Variants in CADM2 observed in about 807,000 individuals in gnomAD.
The protein encoded by CADM2 is immunoglobulin superfamily member 4D.
CADM2 carries 12 observed loss-of-function variants against 49.8 expected under a neutral mutation model. The observed-to-expected ratio is 0.24, with a 90% CI of 0.15 to 0.39. CADM2 has a LOEUF of 0.39. CADM2 is among the 10% of genes least tolerant of loss of function. CADM2 has a pLI of 1.00. For synonymous variants in CADM2, 214 were observed against 175.4 expected, an observed-to-expected ratio of 1.22 and a Z score of -1.74; for missense variants, 378 against 492.3, an observed-to-expected ratio of 0.77 and a Z score of 2.20.
intron 1 of CADM2, among the ~76,000 whole-genome samples, chr3:85,413,641 T>G (rs1048535848): frequency 2.0e-5 from 3 of 152,124 alleles, no homozygotes; most frequent in African/African-American, 7.2e-5. Flanking sequence ...AGCCACATAC[T>G]TTTAAACAGT....
chr3:85,198,875 A>G (rs2041413456), intron 1 of CADM2, among the ~76,000 whole-genome samples: 1 of 151,880 alleles, frequency 6.6e-6, no homozygotes, highest in African/African-American at 2.4e-5. Flanking sequence ...AAATAATTAT[A>G]GTAAGTTCTC....
chr3:85,987,249 G>T (rs577688070), intron 8 of CADM2, among the ~76,000 whole-genome samples: 7 of 151,922 alleles, frequency 4.6e-5, no homozygotes, highest in Non-Finnish European at 1.0e-4. Flanking sequence ...TTTTCTAAGG[G>T]CACTCTTGTG....
At chr3:84,968,478 A>G (rs1203161379) in intron 1 of CADM2, among the ~76,000 whole-genome samples, 1 of 152,052 alleles carries the variant, frequency 6.6e-6, no homozygotes, top group Non-Finnish European at 1.5e-5. Context: ...ATTAATGTGT[A>G]GGTGGTATTC....
At chr3:85,809,763 CCT>C (rs575170244) in intron 3 of CADM2, among the ~76,000 whole-genome samples, 755 of 51,778 alleles carry the variant, frequency 0.015, 27 homozygotes, top group African/African-American at 0.041. Flanking sequence ...TCCCTCCCTC[CCT>C]CTCTCTCTCT....
chr3:85,877,842 A>C (rs1216588251), intron 3 of CADM2, among the ~76,000 whole-genome samples: 1 of 152,052 alleles, frequency 6.6e-6, no homozygotes, highest in Non-Finnish European at 1.5e-5. Flanking sequence ...ATAGCTACTC[A>C]CTGAATGCCT....
At chr3:85,377,426 T>C (rs2107342130) in intron 1 of CADM2, among the ~76,000 whole-genome samples, 1 of 152,196 alleles carries the variant, frequency 6.6e-6, no homozygotes, top group East Asian at 1.9e-4. Context: ...TTTAAATTCA[T>C]AGGTAATGCT....
intron 1 of CADM2, among the ~76,000 whole-genome samples, chr3:85,011,574 A>G (rs2033994781): frequency 6.6e-6 from 1 of 152,160 alleles, no homozygotes; most frequent in African/African-American, 2.4e-5. Flanking sequence ...AAAACTAAAC[A>G]TTGTGTTTGT....
At chr3:86,028,748 T>C (rs1734220455) in intron 8 of CADM2, among the ~76,000 whole-genome samples, 1 of 152,180 alleles carries the variant, frequency 6.6e-6, no homozygotes, top group East Asian at 1.9e-4. Context: ...ATCTTCACTT[T>C]TATTTTCTAG....
chr3:85,265,267 C>G (rs1328951395), intron 1 of CADM2, among the ~76,000 whole-genome samples: 1 of 151,856 alleles, frequency 6.6e-6, no homozygotes, highest in East Asian at 1.9e-4. Flanking sequence ...GAGCTATTTT[C>G]ATCTCTAATT....
At chr3:85,386,079 C>T (rs1368509069) in intron 1 of CADM2, among the ~76,000 whole-genome samples, 2 of 152,060 alleles carry the variant, frequency 1.3e-5, no homozygotes, top group Non-Finnish European at 2.9e-5. Flanking sequence ...CTCGGCTTTC[C>T]CCTAACTACA....
intron 1 of CADM2, among the ~76,000 whole-genome samples, chr3:84,977,029 A>G (rs1193732481): frequency 1.3e-5 from 2 of 151,982 alleles, no homozygotes; most frequent in Non-Finnish European, 2.9e-5. Flanking sequence ...TTTTGAAATC[A>G]GAGTCAGATA....
At chr3:85,470,144 G>A (rs947504119) in intron 1 of CADM2, among the ~76,000 whole-genome samples, 29 of 152,126 alleles carry the variant, frequency 1.9e-4, no homozygotes, top group Admixed American at 1.7e-3. Flanking sequence ...CAGAATCTCA[G>A]AAAAATGATA....
intron 6 of CADM2, among the ~76,000 whole-genome samples, chr3:85,933,933 A>G (rs564264883): frequency 3.3e-5 from 5 of 152,116 alleles, no homozygotes; most frequent in Non-Finnish European, 7.4e-5. Context: ...ATGGAATGCC[A>G]TCTGCTCTAC....
At chr3:85,664,248 A>G (rs1001700252) in intron 1 of CADM2, among the ~76,000 whole-genome samples, 2 of 151,938 alleles carry the variant, frequency 1.3e-5, no homozygotes, top group African/African-American at 4.8e-5. Context: ...TCAAACTTAT[A>G]TCTATAGTAT....
intron 1 of CADM2, among the ~76,000 whole-genome samples, chr3:85,511,251 A>G (rs1217781389): frequency 6.6e-6 from 1 of 152,104 alleles, no homozygotes; most frequent in Non-Finnish European, 1.5e-5. Context: ...AATGCTCTGT[A>G]AAACAGAACA....
chr3:85,878,498 G>C (rs10779988), intron 3 of CADM2, among the ~76,000 whole-genome samples: 1 of 151,914 alleles, frequency 6.6e-6, no homozygotes, highest in Non-Finnish European at 1.5e-5. Flanking sequence ...AAAATATCTA[G>C]TTTTTCCTCA....
At chr3:85,688,161 A>T (rs2066271028) in intron 1 of CADM2, among the ~76,000 whole-genome samples, 1 of 152,178 alleles carries the variant, frequency 6.6e-6, no homozygotes, top group South Asian at 2.1e-4. Context: ...CCTCAGCTTG[A>T]TTTCACAGAG....
chr3:85,992,215 C>T (rs902342102), intron 8 of CADM2: 1 of 151,942 alleles, frequency 6.6e-6, no homozygotes, highest in African/African-American at 2.4e-5. Flanking sequence ...TAAACATATG[C>T]ATGTGTACTG....
chr3:85,831,890 C>A (rs2074202788), intron 3 of CADM2, among the ~76,000 whole-genome samples: 1 of 151,808 alleles, frequency 6.6e-6, no homozygotes, highest in Non-Finnish European at 1.5e-5. Context: ...GTTATAAATT[C>A]TTTGCCAAGG....
Sources: gnomAD v4.1 joint callset for allele counts (sites outside exome capture counted in the v4.1 genomes callset) on GRCh38, gnomAD v4.1.1 for gene constraint, MANE v1.5 for transcripts, NCBI Gene and HGNC (gene_info 2026-07-23, HGNC 2026-07-21) for gene names.